FSTL5: variants seen among roughly 807,000 people sequenced by gnomAD.
FSTL5 encodes the protein follistatin like 5.
Under a neutral mutation model 89.1 loss-of-function variants are expected in FSTL5, and 62 were observed. The ratio of observed to expected loss-of-function variants is 0.70; its 90% confidence interval spans 0.57 to 0.86. FSTL5 has a LOEUF of 0.86. Among genes scored for constraint, FSTL5 ranks in the 40% least tolerant of loss-of-function variants. The pLI is 0.00. For missense variants in FSTL5, 1,057 were observed against 1,001.6 expected (o/e 1.06, Z -0.75); for synonymous variants, 383 against 346.2 (o/e 1.11, Z -1.18).
intron 4 of FSTL5, among the ~76,000 whole-genome samples, chr4:161,867,852 T>C (rs761257258): frequency 6.6e-6 from 1 of 151,890 alleles, no homozygotes; most frequent in Non-Finnish European, 1.5e-5. Context: ...TCATCAATCA[T>C]CTATAATAAA....
At chr4:161,649,096 G>A (rs1261737975) in intron 7 of FSTL5, among the ~76,000 whole-genome samples, 1 of 152,110 alleles carries the variant, frequency 6.6e-6, no homozygotes, top group East Asian at 1.9e-4. Flanking sequence ...CCTGTTAACA[G>A]CCCGGACAAC....
In FSTL5 at chr4:161,457,193, C is replaced by CCTAT. The variant is rs373760185; in HGVS notation, c.1716+2015_1716+2018dup. 3.7e-3 allele frequency among the ~76,000 whole-genome samples: 557 copies of CCTAT among 152,264 alleles called. 4 individuals carry two copies. Among genetic ancestry groups the CCTAT allele is most frequent in the African/African-American group, 0.012 (505 of 41,552 alleles). On this transcript the variant is annotated intron_variant, in intron 14 of 15. Transcript: ENST00000306100. ...GCCAATCAATGAATCAATCAATCTACCTATCTAATCAAGCTTATATCTATA... is the reference window on the plus strand; with the variant it reads ...GCCAATCAATGAATCAATCAATCTACCTATCTATCTAATCAAGCTTATATCTATA...
At chr4:161,932,527 A>G (rs1734319200) in intron 3 of FSTL5, among the ~76,000 whole-genome samples, 1 of 151,678 alleles carries the variant, frequency 6.6e-6, no homozygotes, top group African/African-American at 2.4e-5. Context: ...ATATAAATAT[A>G]TACATACATA....
intron 7 of FSTL5, among the ~76,000 whole-genome samples, chr4:161,604,819 G>A (rs1578960512): frequency 6.6e-6 from 1 of 152,154 alleles, no homozygotes; most frequent in Non-Finnish European, 1.5e-5. Context: ...GCTAGAGCCT[G>A]AGCATTGAGG....
chr4:161,490,368 G>A (rs2126468543), intron 12 of FSTL5, among the ~76,000 whole-genome samples: 1 of 152,174 alleles, frequency 6.6e-6, no homozygotes, highest in South Asian at 2.1e-4. Flanking sequence ...TGAAGAGTGA[G>A]ACAGGTTTTA....
intron 6 of FSTL5, among the ~76,000 whole-genome samples, chr4:161,727,814 G>C (rs1296211007): frequency 2.0e-5 from 3 of 152,156 alleles, no homozygotes; most frequent in Non-Finnish European, 4.4e-5. Flanking sequence ...AGGCTTTCTG[G>C]AAAGCTGACT....
chr4:161,891,696 A>C (rs1464284464), intron 4 of FSTL5, among the ~76,000 whole-genome samples: 1 of 152,128 alleles, frequency 6.6e-6, no homozygotes, highest in Non-Finnish European at 1.5e-5. Context: ...TTGAATTAGC[A>C]GTGGATTAAG....
At chr4:161,603,295 C>T (rs758074281) in intron 7 of FSTL5, among the ~76,000 whole-genome samples, 5 of 152,128 alleles carry the variant, frequency 3.3e-5, no homozygotes, top group South Asian at 2.1e-4. Flanking sequence ...TAAAAAGTTA[C>T]GTTTGCACTA....
chr4:161,562,675 C>A (rs1732648451), intron 8 of FSTL5, among the ~76,000 whole-genome samples: 1 of 151,142 alleles, frequency 6.6e-6, no homozygotes, highest in Non-Finnish European at 1.5e-5. Context: ...TTTTTTTCAA[C>A]CTTGTTTATT....
At chr4:162,049,781 G>T (rs1297324843) in intron 2 of FSTL5, among the ~76,000 whole-genome samples, 2 of 151,960 alleles carry the variant, frequency 1.3e-5, no homozygotes, top group Non-Finnish European at 2.9e-5. Context: ...CAACTTAAAA[G>T]ATCTGAAAAA....
intron 1 of FSTL5, among the ~76,000 whole-genome samples, chr4:162,112,775 TCACACACACACACACACACACACACACA>T (rs71598742): frequency 7.2e-6 from 1 of 139,328 alleles, no homozygotes; most frequent in Non-Finnish European, 1.6e-5. Flanking sequence ...ACCGACACAA[TCACACACACACACACACACACACACACA>T]CACACACACA....
At chr4:161,551,016 T>C (rs371343317) in intron 8 of FSTL5, among the ~76,000 whole-genome samples, 25 of 151,926 alleles carry the variant, frequency 1.6e-4, no homozygotes, top group African/African-American at 5.6e-4. Flanking sequence ...CAAGTCTTTG[T>C]TATTGTGAAT....
intron 4 of FSTL5, among the ~76,000 whole-genome samples, chr4:161,779,773 A>G (rs1205286095): frequency 3.1e-5 from 2 of 64,696 alleles, no homozygotes; most frequent in African/African-American, 7.4e-5. Context: ...ATATATATAT[A>G]TGTATATATA....
intron 7 of FSTL5, among the ~76,000 whole-genome samples, chr4:161,642,575 C>A (rs766176391): frequency 1.1e-4 from 16 of 151,808 alleles, no homozygotes; most frequent in Non-Finnish European, 2.1e-4. Context: ...AAAAAGGTTA[C>A]GATATATAAG....
chr4:161,518,283 A>T (rs1409746555), intron 10 of FSTL5, among the ~76,000 whole-genome samples: 2 of 152,162 alleles, frequency 1.3e-5, no homozygotes, highest in Admixed American at 6.5e-5. Flanking sequence ...GAGATGGGAT[A>T]ATCATATTCT....
intron 1 of FSTL5, among the ~76,000 whole-genome samples, chr4:162,126,711 C>A (rs141801727): frequency 1.5e-3 from 231 of 151,890 alleles, no homozygotes; most frequent in African/African-American, 5.3e-3. Context: ...ATTCTGATTT[C>A]ATTTTGTAAT....
intron 7 of FSTL5, among the ~76,000 whole-genome samples, chr4:161,655,637 G>T (rs142743077): frequency 6.6e-6 from 1 of 152,160 alleles, no homozygotes; most frequent in African/African-American, 2.4e-5. Flanking sequence ...ATATCTATTA[G>T]AAGTAAGTCT....
At chr4:161,654,230 A>C (rs976483199) in intron 7 of FSTL5, among the ~76,000 whole-genome samples, 2 of 152,194 alleles carry the variant, frequency 1.3e-5, no homozygotes, top group African/African-American at 4.8e-5. Flanking sequence ...AGAGAGTATC[A>C]ATCATAGCAT....
intron 12 of FSTL5, among the ~76,000 whole-genome samples, chr4:161,489,709 A>G (rs1022922374): frequency 6.6e-6 from 1 of 152,152 alleles, no homozygotes; most frequent in African/African-American, 2.4e-5. Context: ...ATAACACATG[A>G]AGTTAACTGA....
Sources: allele counts gnomAD v4.1 joint callset (sites outside exome capture counted in the v4.1 genomes callset), GRCh38; gene constraint gnomAD v4.1.1; transcripts MANE v1.5; gene names NCBI Gene and HGNC (gene_info 2026-07-23, HGNC 2026-07-21).